CHN2: variants seen among roughly 807,000 people sequenced by gnomAD.
The protein encoded by CHN2 is chimerin 2, also known as beta-chimaerin.
In CHN2, 35 loss-of-function variants were observed where a neutral mutation model predicts 56.3. That is an observed-to-expected ratio of 0.62 (90% CI 0.47 to 0.82). The LOEUF is 0.82. CHN2 is among the 40% of genes least tolerant of loss of function. The pLI is 0.00. For missense variants in CHN2, 491 were observed against 580.5 expected (o/e 0.85, Z 1.58); for synonymous variants, 210 against 212.8 (o/e 0.99, Z 0.12).
At chr7:29,425,777 G>T (rs1465071446) in intron 6 of CHN2, among the ~76,000 whole-genome samples, 3 of 152,040 alleles carry the variant, frequency 2.0e-5, no homozygotes, top group Admixed American at 2.0e-4. Flanking sequence ...TCAAATACAT[G>T]TATATGTCTC....
intron 12 of CHN2, among the ~76,000 whole-genome samples, chr7:29,511,480 C>T (rs1383179532): frequency 2.6e-5 from 4 of 152,192 alleles, no homozygotes; most frequent in African/African-American, 9.7e-5. Flanking sequence ...GTATCTTTAT[C>T]ATAGTGGGTT....
In CHN2 at chr7:29,357,249, A is replaced by C. The variant is rs187202033; in HGVS notation, c.88+2586A>C. Among the ~76,000 whole-genome samples, 174 of 152,358 alleles carry C rather than the reference A, an allele frequency of 1.1e-3. 1 individual carries two copies. Among genetic ancestry groups the C allele is most frequent in the East Asian group, 1.9e-3 (10 of 5,186 alleles). ...ACTTGCAAAAGTTCCTCTTTATTAT[A>C]TCCAACTAATAGTCCTCCAGGCTCT... On this transcript the variant is annotated intron_variant, in intron 2 of 12. Coordinates refer to ENST00000222792, the MANE Select transcript of CHN2 (RefSeq NM_004067.4).
At chr7:29,276,104 G>A (rs140614687) in intron 1 of CHN2, among the ~76,000 whole-genome samples, 1 of 152,232 alleles carries the variant, frequency 6.6e-6, no homozygotes, top group African/African-American at 2.4e-5. Context: ...AGTATTTGGG[G>A]GAAGGAAGTG....
At chr7:29,387,852 T>G (rs1447281946) in intron 3 of CHN2, among the ~76,000 whole-genome samples, 2 of 152,248 alleles carry the variant, frequency 1.3e-5, no homozygotes, top group Non-Finnish European at 2.9e-5. Context: ...ATCACTGCAT[T>G]ATTTATTTTT....
chr7:29,426,150 A>G (rs1804841618), intron 6 of CHN2, among the ~76,000 whole-genome samples: 1 of 138,322 alleles, frequency 7.2e-6, no homozygotes. Flanking sequence ...TGGAGGCTGC[A>G]GTGAGCCGAG....
intron 6 of CHN2, among the ~76,000 whole-genome samples, chr7:29,440,684 C>CAAAAAA (rs556692737): frequency 4.4e-5 from 2 of 45,664 alleles, no homozygotes; most frequent in Non-Finnish European, 1.1e-4. Flanking sequence ...GACTCCGTCT[C>CAAAAAA]AAAAAAAAAA....
At chr7:29,375,473 G>A (rs750659545) in intron 3 of CHN2, among the ~76,000 whole-genome samples, 27 of 152,074 alleles carry the variant, frequency 1.8e-4, no homozygotes, top group Non-Finnish European at 2.8e-4. Context: ...TGGGATTACG[G>A]GCGTGAGCCA....
chr7:29,231,229 C>T (rs1209401485), intron 1 of CHN2, among the ~76,000 whole-genome samples: 2 of 152,260 alleles, frequency 1.3e-5, no homozygotes, highest in African/African-American at 2.4e-5. Context: ...CCAGTGTGAC[C>T]TTGGTACTTG....
chr7:29,256,917 A>G (rs771320181), intron 1 of CHN2, among the ~76,000 whole-genome samples: 2 of 152,186 alleles, frequency 1.3e-5, no homozygotes, highest in Non-Finnish European at 1.5e-5. Context: ...CATTGGGGGA[A>G]ACAAACCCTA....
At chr7:29,495,895 T>A in intron 7 of CHN2, 57 bp from the exon 8 acceptor site, 1 of 1,451,518 alleles carries the variant, frequency 6.9e-7, no homozygotes, top group Non-Finnish European at 9.7e-7. Context: ...TGTCTGAGGC[T>A]ACCTGCCTTT....
intron 1 of CHN2, among the ~76,000 whole-genome samples, chr7:29,255,189 G>T (rs1391970756): frequency 6.6e-6 from 1 of 152,216 alleles, no homozygotes; most frequent in Non-Finnish European, 1.5e-5. Flanking sequence ...TGGATTGTGT[G>T]CAGAGGGAGA....
Position 29,428,681 on chromosome 7 carries a change from CT to C in CHN2, c.576+27857del, listed in dbSNP as rs1452734200. On this transcript the variant is annotated intron_variant, in intron 6 of 12. Coordinates refer to ENST00000222792, the MANE Select transcript of CHN2 (RefSeq NM_004067.4). The stretch of plus-strand genomic sequence containing the variant: ...TTTGGAAAAACGTGACATAATGCTA[CT>C]TTTGTCATTTTTTTGTTTGAGCCAA... Among the ~76,000 whole-genome samples the C allele has an allele frequency of 3.3e-5, 5 of 152,222 alleles. No homozygotes were observed. The South Asian group carries it at 6.2e-4, about 19-fold the overall frequency.
At chr7:29,489,908 T>G (rs535744990) in intron 7 of CHN2, among the ~76,000 whole-genome samples, 3 of 152,332 alleles carry the variant, frequency 2.0e-5, no homozygotes, top group Non-Finnish European at 4.4e-5. Context: ...AGAAAATCTG[T>G]GATTAGCCTA....
At chr7:29,186,626 G>C (rs1338945638) in intron 2 of CHN2, 1 of 151,944 alleles carries the variant, frequency 6.6e-6, no homozygotes, top group Non-Finnish European at 1.5e-5. Context: ...AAGGGAGGGA[G>C]GGAGAGGGAG....
chr7:29,509,485 C>A, intron 12 of CHN2, 79 bp downstream of exon 12: 1 of 1,100,098 alleles, frequency 9.1e-7, no homozygotes, highest in Non-Finnish European at 1.4e-6. Flanking sequence ...CGGCATTCCT[C>A]CCCAGCCATA....
chr7:29,292,388 A>AG (rs1792707281), intron 1 of CHN2, among the ~76,000 whole-genome samples: 1 of 137,208 alleles, frequency 7.3e-6, no homozygotes, highest in Non-Finnish European at 1.6e-5. Context: ...ATAAATATTG[A>AG]GAAAAAATAG....
chr7:29,421,668 T>G (rs1804360364), intron 6 of CHN2, among the ~76,000 whole-genome samples: 2 of 152,170 alleles, frequency 1.3e-5, no homozygotes, highest in African/African-American at 4.8e-5. Context: ...AATAGCTGTT[T>G]GAGGAGAAAG....
At chr7:29,260,938 AATTGT>A (rs1789493650) in intron 1 of CHN2, among the ~76,000 whole-genome samples, 2 of 152,156 alleles carry the variant, frequency 1.3e-5, no homozygotes, top group Non-Finnish European at 2.9e-5. Context: ...GCCACTTTGC[AATTGT>A]ATTGTATTTT....
chr7:29,316,533 G>T (rs1451162021), intron 1 of CHN2, among the ~76,000 whole-genome samples: 1 of 152,130 alleles, frequency 6.6e-6, no homozygotes. Context: ...TATCATGCAG[G>T]TTCCTTAGAA....
Sources: gnomAD v4.1 joint callset for allele counts (sites outside exome capture counted in the v4.1 genomes callset) on GRCh38, gnomAD v4.1.1 for gene constraint, MANE v1.5 for transcripts, NCBI Gene and HGNC (gene_info 2026-07-23, HGNC 2026-07-21) for gene names.